Variants in KAT7 observed in about 807,000 individuals in gnomAD.
KAT7 encodes histone acetyltransferase KAT7.
Under a neutral mutation model 82.1 loss-of-function variants are expected in KAT7, and 10 were observed. The ratio of observed to expected loss-of-function variants is 0.12; its 90% CI spans 0.08 to 0.21. The LOEUF is 0.21. KAT7 is among the 10% of genes least tolerant of loss of function. The pLI is 1.00. For missense variants in KAT7, 378 were observed against 760.9 expected, an observed-to-expected ratio of 0.50 and a Z score of 5.92; for synonymous variants, 250 against 262.5, an observed-to-expected ratio of 0.95 and a Z score of 0.46.
intron 7 of KAT7, among the ~76,000 whole-genome samples, chr17:49,813,503 C>G (rs1477623435): frequency 6.6e-6 from 1 of 152,076 alleles, no homozygotes; most frequent in Non-Finnish European, 1.5e-5. Flanking sequence ...TTCACTAAGA[C>G]AAAAATATGC....
At chr17:49,806,855 G>A (rs2074097832) in intron 5 of KAT7, among the ~76,000 whole-genome samples, 1 of 152,172 alleles carries the variant, frequency 6.6e-6, no homozygotes, top group Admixed American at 6.5e-5. Flanking sequence ...AGGGGCATTA[G>A]GCGCAGAATA....
intron 1 of KAT7, among the ~76,000 whole-genome samples, chr17:49,790,788 C>T (rs2073877669): frequency 6.6e-6 from 1 of 152,216 alleles, no homozygotes; most frequent in African/African-American, 2.4e-5. Context: ...TCTAAAAATC[C>T]AAAACAATTA....
intron 2 of KAT7, among the ~76,000 whole-genome samples, 194 bp downstream of exon 2, chr17:49,792,227 A>G (rs1195609044): frequency 1.3e-5 from 2 of 152,228 alleles, no homozygotes; most frequent in African/African-American, 4.8e-5. Context: ...GCTACTATCC[A>G]ATCTGTAGAC....
At chr17:49,819,589 A>G (rs1355806416) in intron 9 of KAT7, among the ~76,000 whole-genome samples, 3 of 152,270 alleles carry the variant, frequency 2.0e-5, no homozygotes, top group Admixed American at 6.5e-5. Flanking sequence ...AAGAGTCTGA[A>G]TAAATCTGAG....
At chr17:49,816,023 G>C (rs547657082) in intron 8 of KAT7, 110 bp downstream of exon 8, 2 of 651,390 alleles carry the variant, frequency 3.1e-6, no homozygotes, top group Admixed American at 5.1e-5. Flanking sequence ...CTTGCTTCTG[G>C]AATCTCTTTC....
chr17:49,826,197 C>T, intron 13 of KAT7, 51 bp downstream of exon 13: 2 of 1,547,094 alleles, frequency 1.3e-6, no homozygotes, highest in African/African-American at 1.4e-5. Context: ...GAAGTTAACT[C>T]TACTGGGTAT....
Position 49,796,783 on chromosome 17 carries a change from G to A in KAT7, c.197G>A (p.Gly66Asp), listed in dbSNP as rs747664329. Residue 66 changes from glycine to aspartate, a missense_variant, in exon 3 of 15, where the codon GGC becomes GAC. Physicochemically the swap from Gly to Asp is moderately conservative, Grantham distance 94. Coordinates refer to ENST00000259021, the MANE Select transcript of KAT7 (RefSeq NM_007067.5). ...CCTGTTCGAAATCTGCAGTCTTTTG[G>A]CACTGAGGAGCCTGCTTACTCTACC... ...SSPVRNLQSF[G>D]TEEPAYSTRR... The A allele has an allele frequency of 1.3e-5, 21 of 1,612,272 alleles. No individual in the cohort carries two copies. In the South Asian group the frequency reaches 1.7e-4, roughly 13 times the overall value.
intron 14 of KAT7, 137 bp from the exon 15 acceptor site, chr17:49,827,264 A>C: frequency 1.6e-6 from 1 of 622,008 alleles, no homozygotes; most frequent in Non-Finnish European, 2.9e-6. Context: ...ATAAGTCAAA[A>C]TATAGTATTT....
intron 13 of KAT7, 107 bp downstream of exon 13, chr17:49,826,253 C>A: frequency 1.8e-6 from 2 of 1,133,384 alleles, no homozygotes; most frequent in Non-Finnish European, 2.6e-6. Flanking sequence ...TGAATATGGA[C>A]CACTGCGGAG....
In KAT7 at chr17:49,831,299, G is replaced by A. The variant is rs1038867432; in HGVS notation, c.*3797G>A. On this transcript the variant is annotated 3_prime_UTR_variant, in exon 15 of 15. Coordinates refer to ENST00000259021, the MANE Select transcript of KAT7 (RefSeq NM_007067.5). Reference sequence around the variant, plus strand: ...TCAAAAACAAAAAACAGAATTGATTGATGTTAGTTGGCTTTAGAAGCAGCA... The same window carrying A: ...TCAAAAACAAAAAACAGAATTGATTAATGTTAGTTGGCTTTAGAAGCAGCA... 1.3e-5 allele frequency: 2 copies of A among 152,180 alleles called. No homozygotes were observed. Among genetic ancestry groups the A allele is most frequent in the African/African-American group, 4.8e-5 (2 of 41,444 alleles). 9.4% of individuals were successfully genotyped at this position (152,180 alleles called of 1,614,324 possible).
At chr17:49,819,175 T>C (rs921321213) in intron 9 of KAT7, among the ~76,000 whole-genome samples, 1 of 152,244 alleles carries the variant, frequency 6.6e-6, no homozygotes, top group African/African-American at 2.4e-5. Context: ...TCTGTCATTA[T>C]ACTCTTCTCC....
At chr17:49,820,782 C>T (rs2074294059) in intron 9 of KAT7, among the ~76,000 whole-genome samples, 1 of 138,304 alleles carries the variant, frequency 7.2e-6, no homozygotes, top group African/African-American at 2.7e-5. Context: ...TTTTTTGCCA[C>T]AGGACTTTCT....
intron 4 of KAT7, among the ~76,000 whole-genome samples, chr17:49,804,056 C>A (rs927277911): frequency 6.6e-6 from 1 of 151,966 alleles, no homozygotes; most frequent in African/African-American, 2.4e-5. Flanking sequence ...TGTTCAATTC[C>A]CTGTGTGTTT....
In KAT7 at chr17:49,828,967, A is replaced by G. The variant is rs975726268; in HGVS notation, c.*1465A>G. ...AGTTTCAGTGTCACTGTTAAAATTTATCAAAAAGCAACTTCACTAGGGGTT... is the reference window on the plus strand; with the variant it reads ...AGTTTCAGTGTCACTGTTAAAATTTGTCAAAAAGCAACTTCACTAGGGGTT... On this transcript the variant is annotated 3_prime_UTR_variant, in exon 15 of 15. Coordinates refer to ENST00000259021, the MANE Select transcript of KAT7 (RefSeq NM_007067.5). 8 of 152,846 alleles carry G rather than the reference A, an allele frequency of 5.2e-5. No individual in the cohort carries two copies. Among genetic ancestry groups the G allele is most frequent in the African/African-American group, 1.9e-4 (8 of 41,442 alleles). The allele number at this position is 152,846 out of a possible 1,614,324, so 9.5% of individuals were successfully genotyped here. A position where few individuals can be genotyped will look rare whatever the true frequency, so the allele number is the denominator to read the frequency against.
chr17:49,818,244 G>GT (rs1201521104), intron 9 of KAT7, among the ~76,000 whole-genome samples: 1 of 152,158 alleles, frequency 6.6e-6, no homozygotes, highest in Non-Finnish European at 1.5e-5. Context: ...ATCCTGTCAT[G>GT]TACATCTTCT....
chr17:49,790,866 G>A (rs981493588), intron 1 of KAT7, among the ~76,000 whole-genome samples: 2 of 152,140 alleles, frequency 1.3e-5, no homozygotes, highest in Non-Finnish European at 2.9e-5. Context: ...GTGAATCTTT[G>A]TATTGTTTTC....
At chr17:49,801,756 T>A (rs2074027520) in intron 4 of KAT7, among the ~76,000 whole-genome samples, 2 of 152,294 alleles carry the variant, frequency 1.3e-5, no homozygotes, top group East Asian at 3.9e-4. Context: ...TCCCAAAGTG[T>A]TGGGATTACA....
At position 49,805,437 on chromosome 17, in the gene KAT7, G is replaced by A. The variant is rs1249332159; in HGVS notation, c.655G>A (p.Glu219Lys). ...ACTGTATCATAACCTCTCAGCTGAC[G>A]AATGCAAGGTAATTGTGCTCTCATT... ...CPLYHNLSAD[E>K]CKVRAQSRDK... Residue 219 changes from glutamate (E) to lysine (K), a missense_variant, in exon 5 of 15, where the codon GAA becomes AAA. Coordinates refer to ENST00000259021, the MANE Select transcript of KAT7 (RefSeq NM_007067.5). 4 of 1,608,204 alleles carry A rather than the reference G, an allele frequency of 2.5e-6. No homozygotes were observed. The highest frequency in any genetic ancestry group is 2.2e-5 in the East Asian group (1 of 44,836).
At chr17:49,817,729 A>T (rs958665645) in intron 8 of KAT7, 91 bp from the exon 9 acceptor site, 6 of 1,005,662 alleles carry the variant, frequency 6.0e-6, no homozygotes, top group Non-Finnish European at 8.9e-6. Flanking sequence ...AGCCTCCCAA[A>T]GTGTTGGGAT....
Sources: allele counts gnomAD v4.1 joint callset (sites outside exome capture counted in the v4.1 genomes callset), GRCh38; gene constraint gnomAD v4.1.1; transcripts MANE v1.5; gene names NCBI Gene and HGNC (gene_info 2026-07-23, HGNC 2026-07-21).